Variants in CTNNA3 observed in about 807,000 individuals in gnomAD.
The protein encoded by CTNNA3 is catenin alpha 3.
A neutral mutation model predicts 95.7 loss-of-function variants in CTNNA3; 76 were observed. The observed-to-expected ratio is 0.79, with a 90% confidence interval of 0.66 to 0.96. The LOEUF (loss-of-function observed/expected upper bound fraction) is 0.96, where lower values mean the gene tolerates loss of function less well. CTNNA3 is among the 40% of genes least tolerant of loss of function. The probability of loss-of-function intolerance (pLI) is 0.00; values close to 1 mark genes in which losing one functional copy is unlikely to be tolerated. For missense variants in CTNNA3, 1,191 were observed against 1,089.8 expected, an observed-to-expected ratio of 1.09 and a Z score of -1.31; for synonymous variants, 431 against 374.4, an observed-to-expected ratio of 1.15 and a Z score of -1.74.
intron 5 of CTNNA3, among the ~76,000 whole-genome samples, chr10:67,463,045 AG>A (rs1847445454): frequency 6.6e-6 from 1 of 151,438 alleles, no homozygotes; most frequent in Non-Finnish European, 1.5e-5. Flanking sequence ...GCGGGGTTAC[AG>A]GTGTGTACCA....
chr10:67,549,601 A>G (rs1289285353), intron 3 of CTNNA3, among the ~76,000 whole-genome samples: 3 of 152,204 alleles, frequency 2.0e-5, no homozygotes, highest in African/African-American at 4.8e-5. Flanking sequence ...TTGTATTCTT[A>G]GTTCCTTTAC....
chr10:66,796,988 T>G (rs1421639910), intron 7 of CTNNA3, among the ~76,000 whole-genome samples: 1 of 152,054 alleles, frequency 6.6e-6, no homozygotes, highest in African/African-American at 2.4e-5. Context: ...TTTATATTTC[T>G]AGCCTTGAAA....
chr10:67,034,463 C>T (rs1386039165), intron 7 of CTNNA3, among the ~76,000 whole-genome samples: 1 of 152,194 alleles, frequency 6.6e-6, no homozygotes, highest in Non-Finnish European at 1.5e-5. Context: ...CTTCTAGTGT[C>T]CAGTGCCTAT....
At chr10:67,030,788 G>A (rs1011595515) in intron 7 of CTNNA3, among the ~76,000 whole-genome samples, 22 of 152,066 alleles carry the variant, frequency 1.4e-4, no homozygotes, top group African/African-American at 4.8e-4. Flanking sequence ...GGCAGATCAC[G>A]AGGTCAGGAG....
At chr10:66,431,181 G>C (rs1481296114) in intron 11 of CTNNA3, among the ~76,000 whole-genome samples, 13 of 152,268 alleles carry the variant, frequency 8.5e-5, no homozygotes, top group Admixed American at 2.0e-4. Flanking sequence ...AAATGCAAAT[G>C]AAAACCACAA....
At chr10:67,567,754 A>C (rs995155377) in intron 3 of CTNNA3, among the ~76,000 whole-genome samples, 4 of 152,028 alleles carry the variant, frequency 2.6e-5, no homozygotes, top group Non-Finnish European at 5.9e-5. Flanking sequence ...AATTAATGGA[A>C]GCTTGCCACT....
intron 7 of CTNNA3, among the ~76,000 whole-genome samples, chr10:66,959,990 C>G (rs1849029279): frequency 6.6e-6 from 1 of 152,074 alleles, no homozygotes; most frequent in Non-Finnish European, 1.5e-5. Context: ...CTAGTCTGTA[C>G]TGAGTTTATA....
intron 7 of CTNNA3, among the ~76,000 whole-genome samples, chr10:67,028,249 GTTGTTA>G (rs995043228): frequency 2.6e-5 from 4 of 152,006 alleles, no homozygotes; most frequent in African/African-American, 9.7e-5. Context: ...GTTTGTTGTT[GTTGTTA>G]TTTTGTTTTG....
intron 13 of CTNNA3, among the ~76,000 whole-genome samples, chr10:66,262,329 T>C (rs72799132): frequency 0.046 from 6,932 of 152,152 alleles, 278 homozygotes; most frequent in African/African-American, 0.1. Flanking sequence ...GGTTTTTCCA[T>C]ATTTTTAAAT....
chr10:67,170,771 AAG>A (rs1861984595), intron 7 of CTNNA3, among the ~76,000 whole-genome samples: 1 of 152,196 alleles, frequency 6.6e-6, no homozygotes, highest in Non-Finnish European at 1.5e-5. Context: ...TATCTAAAAA[AAG>A]GTTAAAAAAA....
At chr10:66,321,769 A>C (rs60721708) in intron 12 of CTNNA3, among the ~76,000 whole-genome samples, 13 of 152,078 alleles carry the variant, frequency 8.5e-5, no homozygotes, top group Admixed American at 8.5e-4. Context: ...CGCTATTTTA[A>C]CCTTTGTCCA....
At chr10:66,428,426 C>T (rs1309307303) in intron 11 of CTNNA3, among the ~76,000 whole-genome samples, 1 of 152,164 alleles carries the variant, frequency 6.6e-6, no homozygotes, top group Non-Finnish European at 1.5e-5. Context: ...ATAGAACTCT[C>T]CACCCCAAAT....
At chr10:67,142,424 A>G (rs535845252) in intron 7 of CTNNA3, among the ~76,000 whole-genome samples, 3 of 152,300 alleles carry the variant, frequency 2.0e-5, no homozygotes, top group African/African-American at 7.2e-5. Flanking sequence ...TATTACAATG[A>G]GTGAACCTGC....
At chr10:66,045,481 C>T (rs1025087210) in intron 15 of CTNNA3, among the ~76,000 whole-genome samples, 14 of 152,102 alleles carry the variant, frequency 9.2e-5, no homozygotes, top group Admixed American at 9.2e-4. Flanking sequence ...ATTGTTATAA[C>T]ATTAAAATAT....
intron 11 of CTNNA3, among the ~76,000 whole-genome samples, chr10:66,494,993 G>T (rs543573094): frequency 6.6e-6 from 1 of 152,288 alleles, no homozygotes; most frequent in South Asian, 2.1e-4. Context: ...CCCTCATTGC[G>T]TATTGAACGC....
At chr10:66,754,395 T>C (rs1275297755) in intron 9 of CTNNA3, among the ~76,000 whole-genome samples, 4 of 152,116 alleles carry the variant, frequency 2.6e-5, no homozygotes, top group African/African-American at 9.7e-5. Flanking sequence ...GTGTGAGAGC[T>C]AAAAGTATAA....
intron 15 of CTNNA3, among the ~76,000 whole-genome samples, chr10:66,023,604 C>T (rs988458266): frequency 1.5e-4 from 23 of 152,218 alleles, no homozygotes; most frequent in African/African-American, 5.1e-4. Flanking sequence ...ACAAATTATA[C>T]TTTAAAAGTA....
At chr10:66,145,869 T>C (rs2133892339) in intron 13 of CTNNA3, among the ~76,000 whole-genome samples, 1 of 152,324 alleles carries the variant, frequency 6.6e-6, no homozygotes, top group African/African-American at 2.4e-5. Context: ...CTTCTTTTTC[T>C]TTTGAGATGG....
chr10:66,442,018 A>T (rs72791532), intron 11 of CTNNA3, among the ~76,000 whole-genome samples: 7,514 of 152,268 alleles, frequency 0.049, 261 homozygotes, highest in East Asian at 0.11. Flanking sequence ...TAAAATATTA[A>T]TAGTACATTG....
Sources: allele counts gnomAD v4.1 joint callset (sites outside exome capture counted in the v4.1 genomes callset), GRCh38; gene constraint gnomAD v4.1.1; transcripts MANE v1.5; gene names NCBI Gene and HGNC (gene_info 2026-07-23, HGNC 2026-07-21).